Variants in CAMK1D observed in about 807,000 individuals in gnomAD.
The protein encoded by CAMK1D is calcium/calmodulin-dependent protein kinase type 1D.
Under a neutral mutation model 47.7 loss-of-function variants are expected in CAMK1D, and 9 were observed. The observed-to-expected ratio is 0.19, with a 90% CI of 0.11 to 0.33. CAMK1D has a LOEUF of 0.33. Among genes scored for constraint, CAMK1D ranks in the 10% least tolerant of loss-of-function variants. CAMK1D has a pLI of 1.00. For synonymous variants in CAMK1D, 184 were observed against 184.9 expected, an observed-to-expected ratio of 0.99 and a Z score of 0.04; for missense variants, 291 against 488.7, an observed-to-expected ratio of 0.60 and a Z score of 3.81.
intron 2 of CAMK1D, among the ~76,000 whole-genome samples, chr10:12,621,157 A>G (rs72771748): frequency 0.059 from 9,051 of 152,290 alleles, 330 homozygotes; most frequent in South Asian, 0.12. Flanking sequence ...CTGTGTGTCT[A>G]TCCCCCTAAC....
intron 6 of CAMK1D, among the ~76,000 whole-genome samples, chr10:12,798,982 C>T (rs973732776): frequency 6.6e-6 from 1 of 152,078 alleles, no homozygotes; most frequent in African/African-American, 2.4e-5. Flanking sequence ...GGGAAAATGC[C>T]CAGCTCCACG....
rs112321516 is a variant in CAMK1D at position 12,448,303 on chromosome 10, G to A, written c.92+98393G>A. On this transcript the variant is annotated intron_variant, in intron 1 of 10. Transcript: ENST00000619168. Reference sequence around the variant, plus strand: ...GCCTCCCAAAGTGTTGGGATTACAAGCGTGAGCCACGATGCCTGGATTTTT... The same window carrying A: ...GCCTCCCAAAGTGTTGGGATTACAAACGTGAGCCACGATGCCTGGATTTTT... Among the ~76,000 whole-genome samples the A allele has an allele frequency of 4.6e-3, 693 of 151,970 alleles. 6 individuals are homozygous for A. The highest frequency in any genetic ancestry group is 0.016 in the African/African-American group (658 of 41,438).
intron 2 of CAMK1D, among the ~76,000 whole-genome samples, chr10:12,625,079 G>A (rs990703605): frequency 1.3e-5 from 2 of 151,896 alleles, no homozygotes; most frequent in Admixed American, 6.6e-5. Flanking sequence ...GCTCATGCCT[G>A]TAATCCCAGC....
chr10:12,503,606 G>C (rs1429529781), intron 1 of CAMK1D, among the ~76,000 whole-genome samples: 1 of 152,206 alleles, frequency 6.6e-6, no homozygotes, highest in Non-Finnish European at 1.5e-5. Flanking sequence ...GGTTGGGCCA[G>C]ACCTAGCCAG....
chr10:12,794,452 A>G (rs1035437666), intron 6 of CAMK1D, among the ~76,000 whole-genome samples: 3 of 152,216 alleles, frequency 2.0e-5, no homozygotes, highest in African/African-American at 4.8e-5. Context: ...GGAAAGGTCC[A>G]GGATAGAGAT....
At chr10:12,385,956 C>T (rs1031501108) in intron 1 of CAMK1D, among the ~76,000 whole-genome samples, 1 of 152,044 alleles carries the variant, frequency 6.6e-6, no homozygotes, top group African/African-American at 2.4e-5. Flanking sequence ...ATGTTGGTCA[C>T]GCTGGTCTTG....
chr10:12,550,875 C>T (rs1049691305), intron 1 of CAMK1D, among the ~76,000 whole-genome samples: 27 of 152,196 alleles, frequency 1.8e-4, no homozygotes, highest in African/African-American at 5.5e-4. Context: ...CCAGTGGGAA[C>T]GCTGTCCTGA....
At chr10:12,446,801 G>A (rs978110294) in intron 1 of CAMK1D, among the ~76,000 whole-genome samples, 1 of 152,164 alleles carries the variant, frequency 6.6e-6, no homozygotes, top group African/African-American at 2.4e-5. Context: ...TTGTTGTTCT[G>A]GTTTGAGTCT....
At chr10:12,793,447 T>C (rs12777434) in intron 6 of CAMK1D, among the ~76,000 whole-genome samples, 40,747 of 152,028 alleles carry the variant, frequency 0.27, 6,179 homozygotes, top group Admixed American at 0.35. Flanking sequence ...TTAGAATGAC[T>C]GGGATAAGCA....
rs1328598723 is a variant in CAMK1D, at chr10:12,522,911, G to T, written c.93-30314G>T. The stretch of plus-strand genomic sequence containing the variant: ...CCTCCCGGACGGGGCGGCTGGCCGG[G>T]CGGGGGCTGACCCCCCACCTGCCTC... On this transcript the variant is annotated intron_variant, in intron 1 of 10. Coordinates refer to ENST00000619168, the MANE Select transcript of CAMK1D (RefSeq NM_153498.4). 2.4e-4 allele frequency among the ~76,000 whole-genome samples: 23 copies of T among 97,414 alleles called. 4 individuals are homozygous for T. 63.9% of individuals were successfully genotyped at this position (97,414 alleles called of 152,430 possible).
intron 2 of CAMK1D, among the ~76,000 whole-genome samples, chr10:12,651,823 G>C (rs1052888747): frequency 2.0e-5 from 3 of 151,782 alleles, no homozygotes; most frequent in Non-Finnish European, 2.9e-5. Flanking sequence ...CTGTCGCCCA[G>C]GCTGGAGTGC....
chr10:12,519,943 AC>A (rs1372252389), intron 1 of CAMK1D, among the ~76,000 whole-genome samples: 1 of 32,494 alleles, frequency 3.1e-5, no homozygotes, highest in Non-Finnish European at 5.7e-5. Flanking sequence ...TGGGGGGCTG[AC>A]CCCCCCACCT....
chr10:12,630,752 C>T (rs565355887), intron 2 of CAMK1D, among the ~76,000 whole-genome samples: 2 of 152,054 alleles, frequency 1.3e-5, no homozygotes, highest in Admixed American at 6.6e-5. Context: ...ACCAGTGGAG[C>T]TTTCCTTGTG....
intron 2 of CAMK1D, among the ~76,000 whole-genome samples, chr10:12,593,202 T>C (rs895740687): frequency 1.3e-5 from 2 of 152,220 alleles, no homozygotes; most frequent in African/African-American, 4.8e-5. Flanking sequence ...GGGCCAGTTG[T>C]AGTTTAACGA....
intron 3 of CAMK1D, among the ~76,000 whole-genome samples, chr10:12,757,993 C>T (rs867493086): frequency 6.6e-5 from 10 of 151,872 alleles, no homozygotes; most frequent in South Asian, 4.2e-4. Flanking sequence ...CTGGGAGTAC[C>T]GGCACCCGCC....
intron 1 of CAMK1D, among the ~76,000 whole-genome samples, chr10:12,479,243 C>CTGGAGTGCAGTGG (rs1833992546): frequency 6.6e-6 from 1 of 151,920 alleles, no homozygotes; most frequent in Non-Finnish European, 1.5e-5. Flanking sequence ...GTTGCCTAGG[C>CTGGAGTGCAGTGG]TGGAGTGCAG....
chr10:12,815,466 T>A (rs1374607654), intron 7 of CAMK1D, among the ~76,000 whole-genome samples: 4 of 152,252 alleles, frequency 2.6e-5, no homozygotes, highest in African/African-American at 9.6e-5. Context: ...AACCTGGGCC[T>A]GGAGTATAGT....
intron 3 of CAMK1D, among the ~76,000 whole-genome samples, chr10:12,705,015 G>C (rs568938954): frequency 6.6e-6 from 1 of 152,260 alleles, no homozygotes; most frequent in East Asian, 1.9e-4. Context: ...GTAGTGATCA[G>C]GGATCAGTTA....
chr10:12,791,064 C>A, intron 5 of CAMK1D, 94 bp from the exon 6 acceptor site: 1 of 1,096,914 alleles, frequency 9.1e-7, no homozygotes, highest in Non-Finnish European at 1.4e-6. Context: ...TTTATACTCA[C>A]TGAAAGTTCA....
Sources: gnomAD v4.1 joint callset for allele counts (sites outside exome capture counted in the v4.1 genomes callset) on GRCh38, gnomAD v4.1.1 for gene constraint, MANE v1.5 for transcripts, NCBI Gene and HGNC (gene_info 2026-07-23, HGNC 2026-07-21) for gene names.